Variants in MACF1 observed in about 807,000 individuals in gnomAD.
The protein encoded by MACF1 is microtubule-actin cross-linking factor 1.
A neutral mutation model predicts 854.8 loss-of-function variants in MACF1; 193 were observed. The ratio of observed to expected loss-of-function variants is 0.23; its 90% CI spans 0.20 to 0.25. MACF1 has a LOEUF of 0.25. MACF1 is among the 10% of genes least tolerant of loss of function. The pLI, the probability that MACF1 is intolerant of heterozygous loss-of-function variation, is 1.00. For missense variants in MACF1, 7,722 were observed against 8,929.1 expected, an observed-to-expected ratio of 0.86 and a Z score of 5.45; for synonymous variants, 3,185 against 3,226.7, an observed-to-expected ratio of 0.99 and a Z score of 0.44.
chr1:39,383,787 G>A (rs1650453825), intron 56 of MACF1, among the ~76,000 whole-genome samples: 1 of 151,922 alleles, frequency 6.6e-6, no homozygotes, highest in Non-Finnish European at 1.5e-5. Flanking sequence ...TGAGGCAGGA[G>A]AATGGCATGA....
chr1:39,172,142 A>G (rs942853028), intron 2 of MACF1, among the ~76,000 whole-genome samples: 1 of 152,176 alleles, frequency 6.6e-6, no homozygotes, highest in African/African-American at 2.4e-5. Flanking sequence ...GTGGACTGTT[A>G]TCCAGCTCTG....
intron 40 of MACF1, among the ~76,000 whole-genome samples, chr1:39,343,886 C>T (rs1306400158): frequency 4.6e-5 from 7 of 152,112 alleles, no homozygotes; most frequent in African/African-American, 1.2e-4. Flanking sequence ...GAGGCCGAGG[C>T]GGGCGGATCA....
At chr1:39,102,179 AAAG>A (rs1457581399) in intron 2 of MACF1, among the ~76,000 whole-genome samples, 1 of 118,600 alleles carries the variant, frequency 8.4e-6, no homozygotes, top group Non-Finnish European at 1.7e-5. Flanking sequence ...CGTCAAAAAA[AAAG>A]AAGAAAAAGA....
At position 39,452,697 on chromosome 1, in the gene MACF1, G is replaced by A. The variant is rs1420761501; in HGVS notation, c.20627G>A (p.Arg6876Gln). The part of the protein sequence containing the change: ...EQALKQAEVF[R>Q]DTVHMLLEWL... Reference sequence around the variant, plus strand: ...TGGTTATTTCAGGCGGAAGTGTTTCGAGACACAGTCCACATGCTGTTGGAG... The same window carrying A: ...TGGTTATTTCAGGCGGAAGTGTTTCAAGACACAGTCCACATGCTGTTGGAG... The change falls in exon 87 of 101, where the codon CGA becomes CAA. Residue 6876 changes from arginine (R) to glutamine (Q), a missense_variant. Physicochemically the swap from Arg to Gln is conservative, Grantham distance 43. This residue lies in a region of MACF1 where 729 missense variants were observed against 900.5 expected (regional missense o/e 0.81). Coordinates refer to ENST00000564288, the MANE Select transcript of MACF1 (RefSeq NM_001394062.1). 3.1e-6 allele frequency: 5 copies of A among 1,613,088 alleles called. No homozygotes were observed. Among genetic ancestry groups the A allele is most frequent in the Non-Finnish European group, 4.2e-6 (5 of 1,179,998 alleles).
chr1:39,413,293 C>T, intron 58 of MACF1: 1 of 1,590,200 alleles, frequency 6.3e-7, no homozygotes, highest in African/African-American at 1.4e-5. Flanking sequence ...AGTGCCCACC[C>T]CAGAGGAGCC....
chr1:39,428,282 C>T lies in MACF1; in HGVS notation c.16798C>T (p.His5600Tyr), dbSNP rs1344739170. Residue 5600 changes from histidine (H) to tyrosine (Y), a missense_variant, in exon 63 of 101, where the codon CAC becomes TAC. This residue lies in a region of MACF1 where 2,807 missense variants were observed against 3,235.8 expected (regional missense o/e 0.87). Coordinates refer to ENST00000564288, the MANE Select transcript of MACF1 (RefSeq NM_001394062.1). ...QDVLHRQHAD[H>Y]LALNEEIVNR... ...TGTCCTGCACAGGCAGCATGCTGAC[C>T]ACCTGGTATTCATGTTTCCATTTTT... 6.2e-7 allele frequency: 1 copy of T among 1,605,170 alleles called. No homozygotes were observed. Among genetic ancestry groups the T allele is most frequent in the Admixed American group, 1.7e-5 (1 of 58,778 alleles).
intron 2 of MACF1, among the ~76,000 whole-genome samples, chr1:39,238,633 C>T (rs1276056853): frequency 2.0e-5 from 3 of 152,154 alleles, no homozygotes; most frequent in Non-Finnish European, 4.4e-5. Context: ...CCTGTTGGAC[C>T]TCTGCCTCAG....
chr1:39,475,217 C>T (rs78035527), intron 97 of MACF1, among the ~76,000 whole-genome samples: 4,175 of 152,276 alleles, frequency 0.027, 98 homozygotes, highest in Middle Eastern at 0.082. Context: ...CCTAGAAAAC[C>T]TCACTTGGGG....
At chr1:39,228,259 G>A (rs1323413479) in intron 1 of MACF1, among the ~76,000 whole-genome samples, 6 of 152,208 alleles carry the variant, frequency 3.9e-5, no homozygotes, top group African/African-American at 9.6e-5. Context: ...GCACTGAGCC[G>A]AGATCGCACC....
intron 52 of MACF1, among the ~76,000 whole-genome samples, chr1:39,374,609 A>G (rs1284800463): frequency 6.6e-6 from 1 of 152,190 alleles, no homozygotes; most frequent in African/African-American, 2.4e-5. Context: ...TACCTCTGCC[A>G]TTGTAACAAA....
rs1200075450 is a variant in MACF1 at position 39,453,867 on chromosome 1, G to T, written c.20886+17G>T. 1 of 1,613,938 alleles carries T rather than the reference G, an allele frequency of 6.2e-7. No homozygotes were observed. Among genetic ancestry groups the T allele is most frequent in the African/African-American group, 1.3e-5 (1 of 74,926 alleles). ...TTCGAGGAGGTGAGTCCCTGGTTCA[G>T]AGGAGGACTGCACACGCCCAGTAAA... On this transcript the variant is annotated intron_variant, in intron 88 of 100. Transcript: ENST00000564288.
At chr1:39,175,956 A>G (rs1242976954) in intron 2 of MACF1, among the ~76,000 whole-genome samples, 1 of 148,408 alleles carries the variant, frequency 6.7e-6, no homozygotes, top group Admixed American at 6.8e-5. Context: ...AAAAAAAAAA[A>G]AAAATTAGCC....
At chr1:39,451,504 C>G (rs1644340287) in intron 85 of MACF1, among the ~76,000 whole-genome samples, 1 of 152,064 alleles carries the variant, frequency 6.6e-6, no homozygotes, top group South Asian at 2.1e-4. Flanking sequence ...CCAACGGAAA[C>G]CCATAAGATA....
At chr1:39,114,155 A>G (rs745419067) in intron 2 of MACF1, among the ~76,000 whole-genome samples, 5 of 145,742 alleles carry the variant, frequency 3.4e-5, no homozygotes, top group Non-Finnish European at 7.5e-5. Flanking sequence ...CAGAAAGCAT[A>G]TTGTCTAAAG....
intron 6 of MACF1, among the ~76,000 whole-genome samples, chr1:39,263,851 G>A (rs1368769239): frequency 7.8e-6 from 1 of 129,026 alleles, no homozygotes; most frequent in African/African-American, 3.0e-5. Context: ...TCAGCTCACT[G>A]CAAGCTCCAC....
intron 80 of MACF1, among the ~76,000 whole-genome samples, chr1:39,445,865 T>G (rs1383781391): frequency 6.6e-6 from 1 of 152,136 alleles, no homozygotes; most frequent in Non-Finnish European, 1.5e-5. Context: ...GAGGCTGAAG[T>G]AGGAGGCTCA....
chr1:39,119,305 G>A (rs1187758732), intron 2 of MACF1, among the ~76,000 whole-genome samples: 21 of 86,546 alleles, frequency 2.4e-4, no homozygotes, highest in East Asian at 3.7e-4. Flanking sequence ...CAACAAGAGC[G>A]AAACTCCGTC....
chr1:39,414,137 A>T (rs1643176867), intron 58 of MACF1: 1 of 1,609,422 alleles, frequency 6.2e-7, no homozygotes, highest in Non-Finnish European at 8.5e-7. Flanking sequence ...TCCAACCTAG[A>T]GGAGCCCGCC....
chr1:39,456,735 C>G (rs1644447793), intron 89 of MACF1: 1 of 152,386 alleles, frequency 6.6e-6, no homozygotes. Context: ...ACCCAGAGTT[C>G]CCCTCCTTTT....
Sources: gnomAD v4.1 joint callset for allele counts (sites outside exome capture counted in the v4.1 genomes callset) on GRCh38, gnomAD v4.1.1 for gene constraint, gnomAD v4.1.1 regional missense constraint, MANE v1.5 for transcripts, NCBI Gene and HGNC (gene_info 2026-07-23, HGNC 2026-07-21) for gene names.